Variants in AGO2 observed in about 807,000 individuals in gnomAD.
AGO2 encodes protein argonaute-2.
A neutral mutation model predicts 102.3 loss-of-function variants in AGO2; 5 were observed. The ratio of observed to expected loss-of-function variants is 0.05; its 90% CI spans 0.03 to 0.10. AGO2 has a LOEUF of 0.10. Ranked by LOEUF, AGO2 falls within the 10% of genes least tolerant of loss-of-function variation. The pLI, the probability that AGO2 is intolerant of heterozygous loss-of-function variation, is 1.00. For synonymous variants in AGO2, 449 were observed against 473.1 expected (o/e 0.95, Z 0.66); for missense variants, 541 against 1,183.7 (o/e 0.46, Z 7.97).
intron 1 of AGO2, among the ~76,000 whole-genome samples, chr8:140,599,420 T>C (rs1332568679): frequency 6.6e-6 from 1 of 152,106 alleles, no homozygotes; most frequent in African/African-American, 2.4e-5. Flanking sequence ...GGGTTCAACG[T>C]CTTTTGTGAT....
chr8:140,547,818 C>T (rs2072927890), intron 12 of AGO2, among the ~76,000 whole-genome samples, 191 bp from the exon 13 acceptor site: 1 of 152,238 alleles, frequency 6.6e-6, no homozygotes, highest in Admixed American at 6.5e-5. Context: ...AGGGGGACGC[C>T]AAGCTCCTTG....
At chr8:140,601,950 C>A (rs2073940065) in intron 1 of AGO2, among the ~76,000 whole-genome samples, 1 of 152,172 alleles carries the variant, frequency 6.6e-6, no homozygotes, top group Non-Finnish European at 1.5e-5. Flanking sequence ...GTTGAAGATG[C>A]CCTGCAGCCT....
intron 17 of AGO2, among the ~76,000 whole-genome samples, chr8:140,533,293 G>A (rs1318781349): frequency 1.3e-5 from 2 of 151,166 alleles, no homozygotes; most frequent in Non-Finnish European, 2.9e-5. Flanking sequence ...GGAGGCTGAG[G>A]CCAGAGAATG....
chr8:140,584,052 C>A (rs2073604611), intron 2 of AGO2, among the ~76,000 whole-genome samples: 1 of 151,330 alleles, frequency 6.6e-6, no homozygotes, highest in Non-Finnish European at 1.5e-5. Context: ...TTCTGTCGCT[C>A]CGGAGGATGC....
chr8:140,521,520 A>C lies in AGO2; in HGVS notation c.*10524T>G, dbSNP rs1483050287. The C allele has an allele frequency of 6.6e-6, 1 of 152,252 alleles. No homozygotes were observed. Among genetic ancestry groups the C allele is most frequent in the African/African-American group, 2.4e-5 (1 of 41,474 alleles). 9.4% of individuals were successfully genotyped at this position (152,252 alleles called of 1,614,324 possible). A position where few individuals can be genotyped will look rare whatever the true frequency, so the allele number is the denominator to read the frequency against. On this transcript the variant is annotated 3_prime_UTR_variant, in exon 19 of 19. Transcript: ENST00000220592. ...TATAAAATCAAATTCTTAAGACTCC[A>C]AAATATTGTTACCTCCAAAGAATTA... is the stretch of plus-strand genomic sequence containing the variant.
At chr8:140,566,590 C>T (rs1255510684) in intron 3 of AGO2, among the ~76,000 whole-genome samples, 1 of 151,480 alleles carries the variant, frequency 6.6e-6, no homozygotes, top group Non-Finnish European at 1.5e-5. Flanking sequence ...CACTGGTTCC[C>T]CCCTTTACTT....
At chr8:140,590,927 C>A (rs746794560) in intron 1 of AGO2, among the ~76,000 whole-genome samples, 5 of 152,222 alleles carry the variant, frequency 3.3e-5, no homozygotes, top group Non-Finnish European at 7.3e-5. Context: ...CCCTACCCCT[C>A]CTCCTGTGGG....
intron 1 of AGO2, among the ~76,000 whole-genome samples, chr8:140,602,622 T>C (rs1037660008): frequency 2.6e-5 from 4 of 152,226 alleles, no homozygotes; most frequent in African/African-American, 7.2e-5. Context: ...TTCAATTGCA[T>C]GGAGATTCAA....
At chr8:140,627,927 G>A (rs1333456272) in intron 1 of AGO2, among the ~76,000 whole-genome samples, 7 of 152,292 alleles carry the variant, frequency 4.6e-5, no homozygotes, top group Admixed American at 1.3e-4. Flanking sequence ...CCACTGTCTC[G>A]GGGCTGTCCT....
chr8:140,634,566 A>G (rs537868439), intron 1 of AGO2, among the ~76,000 whole-genome samples: 1 of 152,222 alleles, frequency 6.6e-6, no homozygotes, highest in Non-Finnish European at 1.5e-5. Flanking sequence ...TTTTTGGCCC[A>G]CCAAGGAGAC....
At chr8:140,610,028 TAAAAAAAAAAA>T (rs55637374) in intron 1 of AGO2, among the ~76,000 whole-genome samples, 7,888 of 126,500 alleles carry the variant, frequency 0.062, 645 homozygotes, top group African/African-American at 0.2. Flanking sequence ...ACCTTGACTC[TAAAAAAAAAAA>T]AAAAAAAAAA....
At chr8:140,618,055 G>A (rs942736361) in intron 1 of AGO2, among the ~76,000 whole-genome samples, 8 of 151,966 alleles carry the variant, frequency 5.3e-5, no homozygotes, top group Non-Finnish European at 7.4e-5. Context: ...TGTAATCCCA[G>A]CACTTTGGGA....
chr8:140,625,932 G>A (rs932499928), intron 1 of AGO2, among the ~76,000 whole-genome samples: 2 of 152,270 alleles, frequency 1.3e-5, no homozygotes, highest in Middle Eastern at 3.2e-3. Flanking sequence ...TTCTTACAGT[G>A]AGGCACGCGC....
intron 14 of AGO2, among the ~76,000 whole-genome samples, chr8:140,543,977 C>T (rs530610157): frequency 6.6e-6 from 1 of 152,366 alleles, no homozygotes; most frequent in African/African-American, 2.4e-5. Flanking sequence ...TCCCAAAGGG[C>T]TGGATAGGCA....
intron 4 of AGO2, among the ~76,000 whole-genome samples, chr8:140,560,884 C>A (rs953002293): frequency 6.6e-6 from 1 of 152,260 alleles, no homozygotes; most frequent in African/African-American, 2.4e-5. Context: ...TGTCCCCAAG[C>A]GCAGATAGAA....
rs1490953682 is a variant in AGO2 at position 140,530,975 on chromosome 8, G to A, written c.*1069C>T. On this transcript the variant is annotated 3_prime_UTR_variant, in exon 19 of 19. Transcript: ENST00000220592. Reference sequence around the variant, plus strand: ...ACATCCGTCCCTCCCATGGGTACACGCTGCACAGTCTCCACGGGGGAAGCG... The same window carrying A: ...ACATCCGTCCCTCCCATGGGTACACACTGCACAGTCTCCACGGGGGAAGCG... 2.6e-5 allele frequency: 4 copies of A among 152,254 alleles called. No individual in the cohort carries two copies. Among genetic ancestry groups the A allele is most frequent in the African/African-American group, 7.2e-5 (3 of 41,436 alleles). 9.4% of individuals were successfully genotyped at this position (152,254 alleles called of 1,614,324 possible). A position where few individuals can be genotyped will look rare whatever the true frequency, so the allele number is the denominator to read the frequency against.
chr8:140,586,804 G>A (rs954177177), intron 1 of AGO2, among the ~76,000 whole-genome samples: 1 of 152,140 alleles, frequency 6.6e-6, no homozygotes, highest in Admixed American at 6.5e-5. Context: ...CCAGTGAGAC[G>A]GCTCCCAGGA....
chr8:140,521,759 A>G lies in AGO2; in HGVS notation c.*10285T>C, dbSNP rs1377964334. The G allele has an allele frequency of 6.6e-6, 1 of 152,174 alleles. No individual in the cohort carries two copies. Among genetic ancestry groups the G allele is most frequent in the Admixed American group, 6.5e-5 (1 of 15,276 alleles). 9.4% of individuals were successfully genotyped at this position (152,174 alleles called of 1,614,324 possible). On this transcript the variant is annotated 3_prime_UTR_variant, in exon 19 of 19. Coordinates refer to ENST00000220592, the MANE Select transcript of AGO2 (RefSeq NM_012154.5). ...TCTGTCCATGGCCATTAGCACCTCC[A>G]CCAGGTAGGTCAGGAGAGATGAAAT...
rs1217829870 is a variant in AGO2, at chr8:140,589,109, C to A, written c.23-3798G>T. Among the ~76,000 whole-genome samples, 3 of 152,314 alleles carry A rather than the reference C, an allele frequency of 2.0e-5. No homozygotes were observed. Among genetic ancestry groups the A allele is most frequent in the Admixed American group, 6.5e-5 (1 of 15,302 alleles). ...GGCGGTCCCCTGAAGAAACTCCTTT[C>A]GGAGTTGGCTCCTCCCCGACTTTTC... On this transcript the variant is annotated intron_variant, in intron 1 of 18. Coordinates refer to ENST00000220592, the MANE Select transcript of AGO2 (RefSeq NM_012154.5). The surrounding 1 kb of genome is among the most constrained non-coding windows in gnomAD (Gnocchi z 4.2).
Sources: allele counts gnomAD v4.1 joint callset (sites outside exome capture counted in the v4.1 genomes callset), GRCh38; gene constraint gnomAD v4.1.1; non-coding constraint Gnocchi (gnomAD v3.1); transcripts MANE v1.5; gene names NCBI Gene and HGNC (gene_info 2026-07-23, HGNC 2026-07-21).